Variants in RBMS1 observed in about 807,000 individuals in gnomAD.
RBMS1 encodes the protein RNA binding motif single stranded interacting protein 1.
RBMS1 carries 17 observed loss-of-function variants against 62.3 expected under a neutral mutation model. The observed-to-expected ratio is 0.27, with a 90% CI of 0.19 to 0.41. The LOEUF is 0.41. Ranked by LOEUF, RBMS1 falls within the 10% of genes least tolerant of loss-of-function variation. The probability of loss-of-function intolerance (pLI) is 1.00; values close to 1 mark genes in which losing one functional copy is unlikely to be tolerated. For synonymous variants in RBMS1, 172 were observed against 170.0 expected (o/e 1.01, Z -0.09); for missense variants, 334 against 504.5 (o/e 0.66, Z 3.24).
chr2:160,318,346 T>C (rs573449545), intron 2 of RBMS1, 119 bp from the exon 3 acceptor site: 2 of 1,362,360 alleles, frequency 1.5e-6, no homozygotes, highest in East Asian at 5.6e-5. Flanking sequence ...ATCTGCAAAC[T>C]TTAGAGTACA....
intron 4 of RBMS1, among the ~76,000 whole-genome samples, chr2:160,306,032 G>A (rs1178848361): frequency 6.6e-6 from 1 of 152,136 alleles, no homozygotes; most frequent in African/African-American, 2.4e-5. Context: ...GGGAGGCTGA[G>A]GCAGGAGGAC....
intron 1 of RBMS1, among the ~76,000 whole-genome samples, chr2:160,399,233 T>G (rs960075916): frequency 6.6e-6 from 1 of 152,210 alleles, no homozygotes; most frequent in African/African-American, 2.4e-5. Context: ...CACGAGAACT[T>G]TTGGAGGACA....
At chr2:160,357,294 A>G (rs1168979370) in intron 2 of RBMS1, among the ~76,000 whole-genome samples, 1 of 152,116 alleles carries the variant, frequency 6.6e-6, no homozygotes, top group Non-Finnish European at 1.5e-5. Context: ...GGCTGATATT[A>G]AAACGGGTTT....
intron 2 of RBMS1, among the ~76,000 whole-genome samples, chr2:160,339,109 G>T (rs970229208): frequency 6.6e-6 from 1 of 152,172 alleles, no homozygotes; most frequent in Non-Finnish European, 1.5e-5. Flanking sequence ...CTCAGCACTG[G>T]AGGCCAGGCA....
At chr2:160,316,551 A>AT (rs1690233344) in intron 3 of RBMS1, among the ~76,000 whole-genome samples, 1 of 152,140 alleles carries the variant, frequency 6.6e-6, no homozygotes, top group African/African-American at 2.4e-5. Flanking sequence ...GCATTAGTTT[A>AT]TTTTTTACCC....
At chr2:160,433,379 A>T (rs1036534187) in intron 1 of RBMS1, among the ~76,000 whole-genome samples, 1 of 152,258 alleles carries the variant, frequency 6.6e-6, no homozygotes, top group African/African-American at 2.4e-5. Context: ...GTGCCACTGC[A>T]CGTTAGCCTG....
intron 10 of RBMS1, chr2:160,279,526 T>G (rs1319240522): frequency 6.6e-6 from 1 of 152,224 alleles, no homozygotes; most frequent in East Asian, 1.9e-4. Flanking sequence ...TTGCATTCTA[T>G]TCTAACCATT....
At chr2:160,481,358 T>TAAAA (rs373909477) in intron 1 of RBMS1, among the ~76,000 whole-genome samples, 1 of 127,078 alleles carries the variant, frequency 7.9e-6, no homozygotes, top group Non-Finnish European at 1.7e-5. Flanking sequence ...GTAGGAAATG[T>TAAAA]AAAAAAAAAA....
intron 10 of RBMS1, 36 bp downstream of exon 10, chr2:160,281,278 T>C (rs199700001): frequency 3.9e-6 from 6 of 1,542,156 alleles, no homozygotes; most frequent in South Asian, 3.6e-5. Flanking sequence ...CATAACTTAC[T>C]TGTAAAACAC....
intron 1 of RBMS1, among the ~76,000 whole-genome samples, chr2:160,405,257 A>ATT (rs71003495): frequency 1.6e-3 from 240 of 149,004 alleles, no homozygotes; most frequent in East Asian, 5.9e-3. Context: ...CTTACATTCC[A>ATT]TTTTTTTTTT....
intron 1 of RBMS1, among the ~76,000 whole-genome samples, chr2:160,487,294 A>G (rs1328565847): frequency 6.6e-6 from 1 of 152,198 alleles, no homozygotes; most frequent in Non-Finnish European, 1.5e-5. Flanking sequence ...AATCCTACAT[A>G]TATCTTAGTG....
At chr2:160,464,106 A>G (rs1684581129) in intron 1 of RBMS1, among the ~76,000 whole-genome samples, 1 of 152,170 alleles carries the variant, frequency 6.6e-6, no homozygotes, top group Non-Finnish European at 1.5e-5. Flanking sequence ...CCCCTTCAGG[A>G]AACACACACC....
intron 5 of RBMS1, among the ~76,000 whole-genome samples, chr2:160,301,087 T>C (rs748318384): frequency 8.0e-4 from 122 of 152,014 alleles, no homozygotes; most frequent in Non-Finnish European, 1.4e-3. Context: ...CAGTTTAAAA[T>C]ACTAGGGTAT....
chr2:160,278,777 T>C (rs977240252), intron 10 of RBMS1, 119 bp from the exon 11 acceptor site: 1 of 635,978 alleles, frequency 1.6e-6, no homozygotes, highest in Non-Finnish European at 2.7e-6. Flanking sequence ...AAAAACAACC[T>C]TCCTCAATCT....
intron 2 of RBMS1, among the ~76,000 whole-genome samples, chr2:160,345,511 G>A (rs1026208341): frequency 2.6e-4 from 40 of 152,194 alleles, no homozygotes; most frequent in African/African-American, 8.4e-4. Context: ...AAACAGAAAC[G>A]CAAATATTCA....
At chr2:160,396,574 T>C (rs1249264647) in intron 1 of RBMS1, among the ~76,000 whole-genome samples, 1 of 79,416 alleles carries the variant, frequency 1.3e-5, no homozygotes, top group African/African-American at 4.5e-5. Flanking sequence ...TTTTTTTTTT[T>C]TTTTTGAGAT....
chr2:160,427,512 T>C (rs538410566), intron 1 of RBMS1, among the ~76,000 whole-genome samples: 144 of 152,162 alleles, frequency 9.5e-4, no homozygotes, highest in Middle Eastern at 3.4e-3. Context: ...TTTATCTGTA[T>C]CTATATTTAT....
intron 1 of RBMS1, among the ~76,000 whole-genome samples, chr2:160,421,597 A>G (rs550072257): frequency 6.6e-6 from 1 of 152,254 alleles, no homozygotes; most frequent in South Asian, 2.1e-4. Flanking sequence ...GAATAGTGTC[A>G]CAATAAACAT....
At chr2:160,399,353 A>G (rs1695317759) in intron 1 of RBMS1, among the ~76,000 whole-genome samples, 1 of 152,162 alleles carries the variant, frequency 6.6e-6, no homozygotes, top group South Asian at 2.1e-4. Flanking sequence ...CAGTATCTAT[A>G]AAATTTGGTC....
Sources: allele counts gnomAD v4.1 joint callset (sites outside exome capture counted in the v4.1 genomes callset), GRCh38; gene constraint gnomAD v4.1.1; transcripts MANE v1.5; gene names NCBI Gene and HGNC (gene_info 2026-07-23, HGNC 2026-07-21).